Variants in RGS7 observed in about 807,000 individuals in gnomAD.
RGS7 encodes regulator of G protein signaling 7.
RGS7 carries 27 observed loss-of-function variants against 81.1 expected under a neutral mutation model. The observed-to-expected ratio is 0.33, with a 90% CI of 0.25 to 0.46. The LOEUF (loss-of-function observed/expected upper bound fraction) is 0.46, where lower values mean the gene tolerates loss of function less well. Ranked by LOEUF, RGS7 falls within the 20% of genes least tolerant of loss-of-function variation. The probability of loss-of-function intolerance (pLI) is 1.00; values close to 1 mark genes in which losing one functional copy is unlikely to be tolerated. For synonymous variants in RGS7, 208 were observed against 207.7 expected (o/e 1.00, Z -0.01); for missense variants, 396 against 607.4 (o/e 0.65, Z 3.66).
chr1:241,040,659 T>G (rs1255176439), intron 3 of RGS7, among the ~76,000 whole-genome samples: 1 of 152,088 alleles, frequency 6.6e-6, no homozygotes, highest in Non-Finnish European at 1.5e-5. Context: ...CCCGGCTAAT[T>G]TTGTATTTTT....
rs372135158 is a variant in RGS7 at position 241,149,412 on chromosome 1, C to G, written c.79-50650G>C. Among the ~76,000 whole-genome samples the G allele has an allele frequency of 1.0e-3, 159 of 152,244 alleles. 1 individual carries two copies. Among genetic ancestry groups the G allele is most frequent in the African/African-American group, 3.7e-3 (153 of 41,540 alleles). On this transcript the variant is annotated intron_variant, in intron 2 of 18. Coordinates refer to ENST00000440928, the MANE Select transcript of RGS7 (RefSeq NM_001364886.1). ...GCTCAGGTGATCTACCCACCTTGAC[C>G]TCCCAAAGTGCTGGGATTACAGGCA...
rs59757330 is a variant in RGS7 at position 241,125,427 on chromosome 1, G to GACACAC, written c.79-26671_79-26666dup. ...GATACCCGACATGCACAAAGACATG[G>GACACAC]ACACACACACACACACACACACACA... On this transcript the variant is annotated intron_variant, in intron 2 of 18. Coordinates refer to ENST00000440928, the MANE Select transcript of RGS7 (RefSeq NM_001364886.1). Among the ~76,000 whole-genome samples the GACACAC allele has an allele frequency of 8.0e-5, 12 of 149,356 alleles. No individual in the cohort carries two copies. The East Asian group carries it at 1.8e-3, about 22-fold the overall frequency.
intron 3 of RGS7, among the ~76,000 whole-genome samples, chr1:241,026,029 T>G (rs1251655676): frequency 6.6e-6 from 1 of 152,212 alleles, no homozygotes; most frequent in Non-Finnish European, 1.5e-5. Context: ...TATTGGCAAA[T>G]TGTCTCTTTA....
chr1:241,344,140 A>T (rs1184478433), intron 2 of RGS7, among the ~76,000 whole-genome samples: 1 of 152,206 alleles, frequency 6.6e-6, no homozygotes, highest in East Asian at 1.9e-4. Context: ...AAATGAAACA[A>T]GATTTACCTG....
intron 2 of RGS7, among the ~76,000 whole-genome samples, chr1:241,215,965 A>G (rs1377814257): frequency 1.3e-5 from 2 of 152,228 alleles, no homozygotes; most frequent in Non-Finnish European, 2.9e-5. Flanking sequence ...CTGAACCTCA[A>G]TGAACACTGA....
intron 3 of RGS7, among the ~76,000 whole-genome samples, chr1:241,058,989 A>C (rs1435481271): frequency 2.6e-5 from 4 of 152,146 alleles, no homozygotes; most frequent in Non-Finnish European, 5.9e-5. Context: ...AAAGTCAACA[A>C]CACACTTCGA....
intron 6 of RGS7, among the ~76,000 whole-genome samples, chr1:240,905,778 T>G (rs1000536217): frequency 6.6e-6 from 1 of 152,138 alleles, no homozygotes; most frequent in Non-Finnish European, 1.5e-5. Context: ...GTAAAGTTTG[T>G]TTTTGGACTC....
chr1:241,178,133 A>G (rs2071301732), intron 2 of RGS7, among the ~76,000 whole-genome samples: 1 of 152,026 alleles, frequency 6.6e-6, no homozygotes, highest in Admixed American at 6.6e-5. Context: ...CAAAAAAGAT[A>G]GAAAAAAAAT....
At chr1:241,236,834 T>TA (rs35847768) in intron 2 of RGS7, among the ~76,000 whole-genome samples, 1 of 118,054 alleles carries the variant, frequency 8.5e-6, no homozygotes, top group Non-Finnish European at 1.9e-5. Context: ...CTAGGATCTA[T>TA]AAAAAAAATA....
intron 2 of RGS7, among the ~76,000 whole-genome samples, chr1:241,285,233 T>G (rs1052161481): frequency 6.6e-6 from 1 of 152,158 alleles, no homozygotes; most frequent in African/African-American, 2.4e-5. Flanking sequence ...AGGCTTTTGT[T>G]GGGGACTTGT....
At chr1:241,113,969 T>C (rs1286207192) in intron 2 of RGS7, among the ~76,000 whole-genome samples, 1 of 152,198 alleles carries the variant, frequency 6.6e-6, no homozygotes, top group African/African-American at 2.4e-5. Context: ...TTTTGTTCTC[T>C]TTTACTGAAA....
chr1:240,899,086 C>G (rs1227191804), intron 6 of RGS7, among the ~76,000 whole-genome samples: 2 of 152,100 alleles, frequency 1.3e-5, no homozygotes, highest in African/African-American at 2.4e-5. Context: ...ATCTGTTTTA[C>G]CAGAGACTAG....
chr1:241,213,020 A>G (rs1320275897), intron 2 of RGS7, among the ~76,000 whole-genome samples: 1 of 152,186 alleles, frequency 6.6e-6, no homozygotes, highest in Non-Finnish European at 1.5e-5. Flanking sequence ...ATCCTCAATG[A>G]TTGCCAACCT....
At chr1:241,302,393 C>CA (rs1264172730) in intron 2 of RGS7, among the ~76,000 whole-genome samples, 1 of 152,052 alleles carries the variant, frequency 6.6e-6, no homozygotes, top group Non-Finnish European at 1.5e-5. Context: ...ACTAAAAATA[C>CA]AAAAAATTAG....
intron 2 of RGS7, among the ~76,000 whole-genome samples, chr1:241,171,558 A>G (rs1481619097): frequency 6.6e-6 from 1 of 152,224 alleles, no homozygotes; most frequent in African/African-American, 2.4e-5. Flanking sequence ...GTAAATCTAC[A>G]ATTATAACAT....
At chr1:241,279,171 A>G (rs2148391029) in intron 2 of RGS7, among the ~76,000 whole-genome samples, 1 of 151,824 alleles carries the variant, frequency 6.6e-6, no homozygotes, top group Non-Finnish European at 1.5e-5. Context: ...ACATAATATA[A>G]TTACATAGTA....
chr1:241,111,607 C>G (rs148340158), intron 2 of RGS7, among the ~76,000 whole-genome samples: 9 of 149,470 alleles, frequency 6.0e-5, no homozygotes, highest in African/African-American at 2.2e-4. Context: ...AAGACCCCCC[C>G]TCTCTACAAG....
chr1:241,247,585 G>A (rs764456887), intron 2 of RGS7, among the ~76,000 whole-genome samples: 46 of 152,018 alleles, frequency 3.0e-4, no homozygotes, highest in Non-Finnish European at 5.7e-4. Flanking sequence ...GTAAGGCTTT[G>A]TAACAACTTT....
chr1:240,832,632 A>C (rs1396945812), intron 9 of RGS7, among the ~76,000 whole-genome samples: 1 of 152,056 alleles, frequency 6.6e-6, no homozygotes, highest in African/African-American at 2.4e-5. Context: ...CAGAAGGTAC[A>C]CTTGTGTTCA....
Sources: gnomAD v4.1 joint callset for allele counts (sites outside exome capture counted in the v4.1 genomes callset) on GRCh38, gnomAD v4.1.1 for gene constraint, MANE v1.5 for transcripts, NCBI Gene and HGNC (gene_info 2026-07-23, HGNC 2026-07-21) for gene names.